RYR3: variants seen among roughly 807,000 people sequenced by gnomAD.
The protein encoded by RYR3 is brain ryanodine receptor-calcium release channel.
RYR3 carries 207 observed loss-of-function variants against 584.3 expected under a neutral mutation model. That is an observed-to-expected ratio of 0.35 (90% CI 0.32 to 0.40). The LOEUF (loss-of-function observed/expected upper bound fraction) is 0.40, where lower values mean the gene tolerates loss of function less well. Among genes scored for constraint, RYR3 ranks in the 10% least tolerant of loss-of-function variants. RYR3 has a pLI of 1.00. For missense variants in RYR3, 5,616 were observed against 6,089.2 expected (o/e 0.92, Z 2.59); for synonymous variants, 2,416 against 2,248.5 (o/e 1.07, Z -2.11).
At chr15:33,612,940 C>G (rs2060269655) in intron 18 of RYR3, among the ~76,000 whole-genome samples, 1 of 152,204 alleles carries the variant, frequency 6.6e-6, no homozygotes, top group African/African-American at 2.4e-5. Flanking sequence ...GAGCATTTCC[C>G]CTGAGACTCA....
At chr15:33,841,021 C>A in intron 90 of RYR3, 138 bp downstream of exon 90, 1 of 727,924 alleles carries the variant, frequency 1.4e-6, no homozygotes, top group Non-Finnish European at 2.3e-6. Context: ...ACTTCGAGAC[C>A]ATCCTGGGCA....
At chr15:33,681,070 G>A (rs374175415) in intron 38 of RYR3, among the ~76,000 whole-genome samples, 1 of 152,178 alleles carries the variant, frequency 6.6e-6, no homozygotes, top group South Asian at 2.1e-4. Flanking sequence ...CCAGATTCAG[G>A]CAGACCTCAG....
chr15:33,338,341 C>T (rs994396944), intron 1 of RYR3, among the ~76,000 whole-genome samples: 2 of 151,898 alleles, frequency 1.3e-5, no homozygotes, highest in African/African-American at 4.8e-5. Context: ...GGGGAAAGGG[C>T]GGGATATTGA....
intron 1 of RYR3, among the ~76,000 whole-genome samples, chr15:33,327,140 T>C (rs1459262955): frequency 6.6e-6 from 1 of 152,284 alleles, no homozygotes; most frequent in East Asian, 1.9e-4. Context: ...TGATTCACCT[T>C]CTCAGGCCAA....
At chr15:33,335,466 G>A (rs1249039581) in intron 1 of RYR3, among the ~76,000 whole-genome samples, 7 of 152,144 alleles carry the variant, frequency 4.6e-5, no homozygotes, top group African/African-American at 1.7e-4. Flanking sequence ...CTTATAAGTG[G>A]AAGCTATATG....
intron 86 of RYR3, among the ~76,000 whole-genome samples, chr15:33,832,764 C>T (rs2077770570): frequency 6.6e-6 from 1 of 151,792 alleles, no homozygotes; most frequent in African/African-American, 2.4e-5. Context: ...AATCCCAGCA[C>T]TTTGGGAGGT....
chr15:33,458,765 C>T (rs905277891), intron 1 of RYR3, among the ~76,000 whole-genome samples: 6 of 152,098 alleles, frequency 3.9e-5, no homozygotes, highest in South Asian at 2.1e-4. Context: ...AAAAAGAAAC[C>T]AGGCTCTATT....
Position 33,831,091 on chromosome 15 carries a change from G to C in RYR3, c.11463G>C (p.Gln3821His). 1 of 1,612,786 alleles carries C rather than the reference G, an allele frequency of 6.2e-7. No homozygotes were observed. The highest frequency in any genetic ancestry group is 8.5e-7 in the Non-Finnish European group (1 of 1,179,682). ...TCAATTCTCTTACAGAATACATCCA[G>C]GTATGTGCTACAGAGTGCATGGTTG... is the stretch of plus-strand genomic sequence containing the variant. ...QIFNSLTEYI[Q>H]GPCIGNQQSL... Residue 3821 changes from glutamine (Q) to histidine (H), a missense_variant and splice_region_variant, in exon 86 of 104, where the codon CAG (glutamine) becomes CAC (histidine). This residue lies in a region of RYR3 where 954 missense variants were observed against 1,132.2 expected (regional missense o/e 0.84). Transcript: ENST00000634891.
intron 1 of RYR3, among the ~76,000 whole-genome samples, chr15:33,405,782 T>C (rs1270087771): frequency 1.3e-5 from 2 of 152,224 alleles, no homozygotes; most frequent in Non-Finnish European, 2.9e-5. Flanking sequence ...TCAGACCCAG[T>C]TAATCTAACG....
Position 33,547,690 on chromosome 15 carries a change from A to G in RYR3, c.741-440A>G, listed in dbSNP as rs111483929. ...TTCCAACTGCCCTGGAATGATGGAA[A>G]TGAGTTCACACTATGTCGAATAGGT... On this transcript the variant is annotated intron_variant, in intron 8 of 103. Transcript: ENST00000634891. Among the ~76,000 whole-genome samples the G allele has an allele frequency of 6.7e-3, 1,024 of 152,308 alleles. 11 individuals carry two copies. The highest frequency in any genetic ancestry group is 0.022 in the African/African-American group (932 of 41,562).
intron 1 of RYR3, among the ~76,000 whole-genome samples, chr15:33,370,091 T>C (rs933430624): frequency 2.6e-5 from 4 of 152,248 alleles, no homozygotes; most frequent in African/African-American, 9.6e-5. Context: ...TGAAAATGCA[T>C]CTTTTTCCCC....
intron 18 of RYR3, among the ~76,000 whole-genome samples, chr15:33,606,737 G>A (rs554580777): frequency 7.2e-5 from 11 of 152,228 alleles, no homozygotes; most frequent in Non-Finnish European, 1.2e-4. Context: ...ATAGCAGTTG[G>A]GAGTGAATTC....
At chr15:33,450,841 C>T (rs1234586867) in intron 1 of RYR3, among the ~76,000 whole-genome samples, 1 of 152,122 alleles carries the variant, frequency 6.6e-6, no homozygotes, top group African/African-American at 2.4e-5. Flanking sequence ...TCTCCTATTC[C>T]ACTTACTCCT....
intron 10 of RYR3, among the ~76,000 whole-genome samples, chr15:33,556,141 C>G (rs2057050436): frequency 6.6e-6 from 1 of 152,162 alleles, no homozygotes. Context: ...TTTCAGGGTG[C>G]CTACAGTCCT....
chr15:33,827,137 GGGCAT>G (rs113134832), intron 84 of RYR3, 57 bp from the exon 85 acceptor site: 79,079 of 1,331,422 alleles, frequency 0.059, 2,427 homozygotes, highest in Non-Finnish European at 0.064. Flanking sequence ...TCAGCTGAGA[GGGCAT>G]GCTTGGCCCC....
intron 1 of RYR3, among the ~76,000 whole-genome samples, chr15:33,424,071 T>C (rs1262275854): frequency 1.3e-5 from 2 of 152,170 alleles, no homozygotes; most frequent in Non-Finnish European, 2.9e-5. Flanking sequence ...TTGCAAACTG[T>C]TCCCTCATTT....
In RYR3 at chr15:33,725,993, A is replaced by AAAAAAAAAAC. The variant is rs1555427717; in HGVS notation, c.6913-389_6913-388insAAAAACAAAA. ...CCCCCCCCCAAAAAAAAAAAAAAAA[A>AAAAAAAAAAC]AAAACAGAATTCTAGAGTCTGGCAT... is the stretch of plus-strand genomic sequence containing the variant. On this transcript the variant is annotated intron_variant, in intron 45 of 103. Coordinates refer to ENST00000634891, the MANE Select transcript of RYR3 (RefSeq NM_001036.6). Among the ~76,000 whole-genome samples the AAAAAAAAAAC allele has an allele frequency of 1.6e-4, 13 of 79,082 alleles. 3 individuals carry two copies. The highest frequency in any genetic ancestry group is 1.9e-4 in the Admixed American group (1 of 5,268). 51.9% of individuals were successfully genotyped at this position (79,082 alleles called of 152,430 possible). A position where few individuals can be genotyped will look rare whatever the true frequency, so the allele number is the denominator to read the frequency against.
chr15:33,834,323 C>CACAG (rs3221632), intron 86 of RYR3, among the ~76,000 whole-genome samples: 1 of 109,104 alleles, frequency 9.2e-6, no homozygotes, highest in African/African-American at 3.4e-5. Flanking sequence ...CACACACACA[C>CACAG]AGTGAGATTA....
chr15:33,684,710 C>T (rs538809226), intron 38 of RYR3, among the ~76,000 whole-genome samples: 4 of 152,276 alleles, frequency 2.6e-5, no homozygotes, highest in East Asian at 1.9e-4. Context: ...AGAAAGGTTG[C>T]GTTACCCACA....
Sources: allele counts gnomAD v4.1 joint callset (sites outside exome capture counted in the v4.1 genomes callset), GRCh38; gene constraint gnomAD v4.1.1; regional missense constraint gnomAD v4.1.1; transcripts MANE v1.5; gene names NCBI Gene and HGNC (gene_info 2026-07-23, HGNC 2026-07-21).